IMMP2L: variants seen among roughly 807,000 people sequenced by gnomAD.
IMMP2L encodes mitochondrial inner membrane protease subunit 2.
IMMP2L carries 18 observed loss-of-function variants against 19.3 expected under a neutral mutation model. That is an observed-to-expected ratio of 0.93 (90% CI 0.64 to 1.38). The LOEUF is 1.38. Among genes scored for constraint, IMMP2L ranks in the 40% most tolerant of loss-of-function variants. The pLI is 0.00. For missense variants in IMMP2L, 233 were observed against 218.2 expected (o/e 1.07, Z -0.43); for synonymous variants, 76 against 73.0 (o/e 1.04, Z -0.21).
intron 1 of IMMP2L, among the ~76,000 whole-genome samples, chr7:111,539,200 A>AGGAAGG (rs1404178837): frequency 0.046 from 828 of 18,128 alleles, 120 homozygotes; most frequent in African/African-American, 0.051. Flanking sequence ...AGGAGGGAGA[A>AGGAAGG]AGAAAGAAAG....
At chr7:111,163,689 A>G (rs959485519) in intron 3 of IMMP2L, among the ~76,000 whole-genome samples, 1 of 152,036 alleles carries the variant, frequency 6.6e-6, no homozygotes, top group Non-Finnish European at 1.5e-5. Flanking sequence ...GATTTTCTAT[A>G]GGTTTTGTGT....
At chr7:110,681,399 G>GA (rs572295943) in intron 5 of IMMP2L, among the ~76,000 whole-genome samples, 2 of 152,090 alleles carry the variant, frequency 1.3e-5, no homozygotes, top group South Asian at 2.1e-4. Context: ...ATTTTCTGCA[G>GA]AAAAAAACAA....
intron 3 of IMMP2L, among the ~76,000 whole-genome samples, chr7:111,053,093 A>C (rs754310888): frequency 5.9e-5 from 9 of 152,220 alleles, no homozygotes; most frequent in Non-Finnish European, 1.3e-4. Flanking sequence ...GACCAAGGCA[A>C]GTTTTAGAGT....
chr7:111,476,582 T>C (rs1354838814), intron 3 of IMMP2L, among the ~76,000 whole-genome samples: 1 of 152,176 alleles, frequency 6.6e-6, no homozygotes, highest in Non-Finnish European at 1.5e-5. Flanking sequence ...AAAATCAAGG[T>C]GTCAGTGGGA....
intron 3 of IMMP2L, among the ~76,000 whole-genome samples, chr7:111,384,263 A>G (rs6949350): frequency 2.6e-4 from 36 of 138,644 alleles, no homozygotes; most frequent in African/African-American, 1.1e-3. Flanking sequence ...AGAAAGGAGA[A>G]AGGAGAGAGG....
At chr7:110,834,696 A>G (rs551603659) in intron 5 of IMMP2L, among the ~76,000 whole-genome samples, 1 of 152,186 alleles carries the variant, frequency 6.6e-6, no homozygotes, top group Non-Finnish European at 1.5e-5. Context: ...TGAAGAAGAG[A>G]AAACTATAGC....
intron 3 of IMMP2L, among the ~76,000 whole-genome samples, chr7:111,444,812 T>A (rs918935371): frequency 2.0e-5 from 3 of 152,102 alleles, no homozygotes; most frequent in Middle Eastern, 3.2e-3. Context: ...CATAATGCAG[T>A]GGTCTTCAAA....
intron 3 of IMMP2L, among the ~76,000 whole-genome samples, chr7:111,154,424 T>C (rs1157536001): frequency 6.6e-6 from 1 of 152,164 alleles, no homozygotes; most frequent in African/African-American, 2.4e-5. Context: ...GCAAATAGAA[T>C]GTGATTTTTT....
chr7:111,301,919 T>A (rs915462701), intron 3 of IMMP2L, among the ~76,000 whole-genome samples: 5 of 101,510 alleles, frequency 4.9e-5, no homozygotes, highest in Admixed American at 1.1e-4. Context: ...AGTTTCATGC[T>A]TTAAAAAAAA....
chr7:111,386,427 T>A (rs1003531690), intron 3 of IMMP2L, among the ~76,000 whole-genome samples: 1 of 152,108 alleles, frequency 6.6e-6, no homozygotes, highest in Non-Finnish European at 1.5e-5. Context: ...AATACATATA[T>A]ACATAAAGGT....
chr7:110,751,606 T>C (rs1354191473), intron 5 of IMMP2L, among the ~76,000 whole-genome samples: 1 of 152,002 alleles, frequency 6.6e-6, no homozygotes, highest in Non-Finnish European at 1.5e-5. Context: ...CATAATAAAT[T>C]GTAATAAGGT....
chr7:110,705,404 T>C (rs1466448946), intron 5 of IMMP2L, among the ~76,000 whole-genome samples: 1 of 152,000 alleles, frequency 6.6e-6, no homozygotes, highest in African/African-American at 2.4e-5. Flanking sequence ...ACATATCTGC[T>C]TGCTGTGAAC....
At chr7:111,221,264 C>T (rs1051453117) in intron 3 of IMMP2L, among the ~76,000 whole-genome samples, 9 of 152,038 alleles carry the variant, frequency 5.9e-5, no homozygotes, top group African/African-American at 1.9e-4. Context: ...TATTCCGCTG[C>T]TTCTCTCATA....
Position 110,884,286 on chromosome 7 carries a change from TTTCA to T in IMMP2L, c.408+2303_408+2306del, listed in dbSNP as rs548646783. ...TTGTAAAGGAAAAGACACTAATTTC[TTTCA>T]CAGAGAAAGAAATTACTGAGAGAAA... On this transcript the variant is annotated intron_variant, in intron 5 of 5. Coordinates refer to ENST00000405709, the MANE Select transcript of IMMP2L (RefSeq NM_032549.4). Among the ~76,000 whole-genome samples, 6 of 152,132 alleles carry T rather than the reference TTTCA, an allele frequency of 3.9e-5. No individual in the cohort carries two copies. In the South Asian group the frequency reaches 1.2e-3, roughly 32 times the overall value.
At chr7:111,193,310 C>T (rs1310754330) in intron 3 of IMMP2L, among the ~76,000 whole-genome samples, 1 of 152,064 alleles carries the variant, frequency 6.6e-6, no homozygotes, top group East Asian at 1.9e-4. Context: ...ATGCTCTTGA[C>T]AGTGGGTTAA....
At chr7:111,188,280 T>C (rs1808489536) in intron 3 of IMMP2L, among the ~76,000 whole-genome samples, 1 of 152,136 alleles carries the variant, frequency 6.6e-6, no homozygotes, top group Admixed American at 6.6e-5. Context: ...CAAAGTGCCA[T>C]AAATTGGGTG....
Position 111,357,213 on chromosome 7 carries a change from C to T in IMMP2L, c.239+130025G>A, listed in dbSNP as rs146990707. On this transcript the variant is annotated intron_variant, in intron 3 of 5. Transcript: ENST00000405709. The stretch of plus-strand genomic sequence containing the variant: ...CACATCTGTGTTGTTCTTTTCAAAC[C>T]GTCAAGATATAAAACTCATTTAAAA... Among the ~76,000 whole-genome samples the T allele has an allele frequency of 1.3e-3, 198 of 152,186 alleles. 1 individual carries two copies. Among genetic ancestry groups the T allele is most frequent in the Middle Eastern group, 3.4e-3 (1 of 292 alleles).
chr7:110,690,351 T>C (rs947195768), intron 5 of IMMP2L, among the ~76,000 whole-genome samples: 1 of 152,218 alleles, frequency 6.6e-6, no homozygotes, highest in Non-Finnish European at 1.5e-5. Flanking sequence ...TTCACTTTAG[T>C]TCAGTCTGCC....
At position 111,544,800 on chromosome 7, in the gene IMMP2L, T is replaced by C. The variant is rs568100517; in HGVS notation, c.-3+17051A>G. On this transcript the variant is annotated intron_variant, in intron 1 of 5. Coordinates refer to ENST00000405709, the MANE Select transcript of IMMP2L (RefSeq NM_032549.4). ...ATAATGTATATTGGCTTTTTTTTTT[T>C]CATGAGGGAAGGAAGGTAACTGGCT... 7.3e-5 allele frequency among the ~76,000 whole-genome samples: 11 copies of C among 151,656 alleles called. No homozygotes were observed. The South Asian group carries it at 1.2e-3, about 17-fold the overall frequency.
Sources: allele counts gnomAD v4.1 joint callset (sites outside exome capture counted in the v4.1 genomes callset), GRCh38; gene constraint gnomAD v4.1.1; transcripts MANE v1.5; gene names NCBI Gene and HGNC (gene_info 2026-07-23, HGNC 2026-07-21).